OSTF1: variants seen among roughly 807,000 people sequenced by gnomAD.
OSTF1 encodes osteoclast-stimulating factor 1.
OSTF1 carries 27 observed loss-of-function variants against 37.2 expected under a neutral mutation model. The ratio of observed to expected loss-of-function variants is 0.73; its 90% CI spans 0.54 to 1.00. The LOEUF (loss-of-function observed/expected upper bound fraction) is 1.00. Ranked by LOEUF, OSTF1 falls within the 50% of genes least tolerant of loss-of-function variation. The probability of loss-of-function intolerance (pLI) is 0.00; values close to 1 mark genes in which losing one functional copy is unlikely to be tolerated. For missense variants in OSTF1, 232 were observed against 253.8 expected (o/e 0.91, Z 0.58); for synonymous variants, 82 against 89.2 (o/e 0.92, Z 0.46).
chr9:75,122,652 T>A (rs916598202), intron 2 of OSTF1, among the ~76,000 whole-genome samples: 20 of 152,298 alleles, frequency 1.3e-4, no homozygotes, highest in Admixed American at 5.9e-4. Flanking sequence ...GTAATCTGAC[T>A]TATAGTTCAA....
intron 1 of OSTF1, among the ~76,000 whole-genome samples, chr9:75,095,359 A>G (rs927992646): frequency 4.6e-5 from 7 of 152,186 alleles, no homozygotes; most frequent in African/African-American, 1.4e-4. Flanking sequence ...GCATGTCTTA[A>G]ACAGAAAAAT....
intron 2 of OSTF1, among the ~76,000 whole-genome samples, chr9:75,126,625 G>T (rs142414748): frequency 6.6e-6 from 1 of 152,074 alleles, no homozygotes. Context: ...ACGGAGTCTC[G>T]CTCTGTCACC....
intron 1 of OSTF1, among the ~76,000 whole-genome samples, chr9:75,111,280 A>G (rs1409068337): frequency 6.6e-6 from 1 of 152,076 alleles, no homozygotes; most frequent in Non-Finnish European, 1.5e-5. Flanking sequence ...TGCCTCTACC[A>G]CTATGAACAG....
At chr9:75,129,621 A>G (rs1014918175) in intron 3 of OSTF1, among the ~76,000 whole-genome samples, 1 of 152,246 alleles carries the variant, frequency 6.6e-6, no homozygotes, top group Non-Finnish European at 1.5e-5. Context: ...TGACCAATTT[A>G]TAGGCAATAC....
At position 75,114,583 on chromosome 9, in the gene OSTF1, C is replaced by G. The variant is rs566423966; in HGVS notation, c.35-2921C>G. 2.7e-5 allele frequency among the ~76,000 whole-genome samples: 4 copies of G among 146,428 alleles called. No individual in the cohort carries two copies. In the South Asian group the frequency reaches 8.5e-4, roughly 31 times the overall value. ...TTTTTTTTTTTTTGAGACAGGGTCT[C>G]TCTCTGTCACCCAGGCTGGAGTGCA... On this transcript the variant is annotated intron_variant, in intron 1 of 9. Coordinates refer to ENST00000346234, the MANE Select transcript of OSTF1 (RefSeq NM_012383.5).
intron 1 of OSTF1, among the ~76,000 whole-genome samples, chr9:75,090,080 T>C (rs1479107156): frequency 2.0e-5 from 3 of 152,218 alleles, no homozygotes; most frequent in Admixed American, 6.5e-5. Flanking sequence ...TTTAAGTGCA[T>C]ATGTATGAGG....
chr9:75,105,708 A>G (rs2118447228), intron 1 of OSTF1, among the ~76,000 whole-genome samples: 1 of 152,046 alleles, frequency 6.6e-6, no homozygotes, highest in East Asian at 1.9e-4. Flanking sequence ...TCAGACTGAC[A>G]TTGGAAGCAG....
At chr9:75,133,560 A>G (rs750069062) in intron 6 of OSTF1, among the ~76,000 whole-genome samples, 159 bp downstream of exon 6, 43 of 152,234 alleles carry the variant, frequency 2.8e-4, no homozygotes, top group Non-Finnish European at 5.4e-4. Context: ...GCTCTGTAGA[A>G]CAGTGGGTAG....
chr9:75,093,060 C>CTTTTTTTTTTTT (rs1433476660), intron 1 of OSTF1, among the ~76,000 whole-genome samples: 6 of 134,944 alleles, frequency 4.4e-5, no homozygotes, highest in African/African-American at 1.9e-4. Context: ...CTCTTTCTTT[C>CTTTTTTTTTTTT]TTTCTTTTTT....
intron 6 of OSTF1, among the ~76,000 whole-genome samples, chr9:75,134,064 A>T (rs975523902): frequency 6.6e-6 from 1 of 152,214 alleles, no homozygotes; most frequent in African/African-American, 2.4e-5. Flanking sequence ...GCTAATAAAC[A>T]TGTTAGTTAT....
Position 75,097,964 on chromosome 9 carries a change from C to T in OSTF1, c.34+9238C>T, listed in dbSNP as rs1313218329. On this transcript the variant is annotated intron_variant, in intron 1 of 9. Coordinates refer to ENST00000346234, the MANE Select transcript of OSTF1 (RefSeq NM_012383.5). ...CCTCTGCTTCCTGGGCTCAAGTGAT[C>T]CTCCCACCTTAGCCTTCCCAGGAGT... Among the ~76,000 whole-genome samples, 3 of 151,336 alleles carry T rather than the reference C, an allele frequency of 2.0e-5. No individual in the cohort carries two copies. In the East Asian group the frequency reaches 5.8e-4, roughly 29 times the overall value.
At chr9:75,133,835 A>T (rs534594277) in intron 6 of OSTF1, among the ~76,000 whole-genome samples, 1 of 152,336 alleles carries the variant, frequency 6.6e-6, no homozygotes, top group South Asian at 2.1e-4. Flanking sequence ...TAGTGATTCC[A>T]TTGATACTTT....
intron 4 of OSTF1, 84 bp downstream of exon 4, chr9:75,130,725 C>A: frequency 1.2e-6 from 1 of 844,488 alleles, no homozygotes. Flanking sequence ...GCTACTGTGG[C>A]TGAGAAAGCA....
intron 1 of OSTF1, 40 bp downstream of exon 1, chr9:75,088,766 C>A: frequency 6.3e-7 from 1 of 1,576,086 alleles, no homozygotes; most frequent in Non-Finnish European, 8.6e-7. Flanking sequence ...GTCCTGCGAC[C>A]GCCGCGGTGC....
chr9:75,100,763 A>G (rs192938522), intron 1 of OSTF1, among the ~76,000 whole-genome samples: 11 of 151,228 alleles, frequency 7.3e-5, no homozygotes, highest in Non-Finnish European at 1.6e-4. Flanking sequence ...GAGCAGCTGC[A>G]ACCTCAGGGG....
chr9:75,135,314 T>A (rs1825824926), intron 7 of OSTF1, among the ~76,000 whole-genome samples: 1 of 152,198 alleles, frequency 6.6e-6, no homozygotes, highest in Non-Finnish European at 1.5e-5. Context: ...CCATTTTGAT[T>A]CCCATTCTTT....
chr9:75,106,994 A>AG (rs1232279517), intron 1 of OSTF1, among the ~76,000 whole-genome samples: 5,363 of 151,552 alleles, frequency 0.035, 311 homozygotes, highest in African/African-American at 0.12. Context: ...AAAGAAAAAA[A>AG]AAAAAAAGCA....
intron 7 of OSTF1, among the ~76,000 whole-genome samples, chr9:75,136,793 A>T (rs1196164088): frequency 6.6e-6 from 1 of 152,024 alleles, no homozygotes; most frequent in Non-Finnish European, 1.5e-5. Flanking sequence ...GGTCCTGGCT[A>T]TTTTGCTAGG....
chr9:75,132,756 C>T (rs117015605), intron 5 of OSTF1, among the ~76,000 whole-genome samples: 3 of 152,176 alleles, frequency 2.0e-5, no homozygotes, highest in Middle Eastern at 3.4e-3. Context: ...GAATTAGATA[C>T]TTGGGACATT....
Sources: allele counts gnomAD v4.1 joint callset (sites outside exome capture counted in the v4.1 genomes callset), GRCh38; gene constraint gnomAD v4.1.1; transcripts MANE v1.5; gene names NCBI Gene and HGNC (gene_info 2026-07-23, HGNC 2026-07-21).